The following CFAP20DC variants were observed in gnomAD, a reference collection of about 807,000 sequenced individuals.
CFAP20DC encodes the protein CFAP20 domain containing.
A neutral mutation model predicts 101.7 loss-of-function variants in CFAP20DC; 84 were observed. The ratio of observed to expected loss-of-function variants is 0.83; its 90% CI spans 0.69 to 0.99. CFAP20DC has a LOEUF of 0.99. Among genes scored for constraint, CFAP20DC ranks in the 50% least tolerant of loss-of-function variants. The pLI, the probability that CFAP20DC is intolerant of heterozygous loss-of-function variation, is 0.00. For missense variants in CFAP20DC, 1,007 were observed against 970.3 expected (o/e 1.04, Z -0.50); for synonymous variants, 359 against 351.2 (o/e 1.02, Z -0.25).
In CFAP20DC at chr3:58,849,063, CCT is replaced by C. The variant is rs2077990768; in HGVS notation, c.1938_1939del (p.Glu648LysfsTer10). The C allele has an allele frequency of 1.3e-6, 2 of 1,535,788 alleles. No homozygotes were observed. Among genetic ancestry groups the C allele is most frequent in the African/African-American group, 1.4e-5 (1 of 73,024 alleles). The stretch of plus-strand genomic sequence containing the variant: ...TTCGGGGATCGAGCTCAGCCTTTCC[CCT>C]GAGATTTCTTTCAGGGAGGTTTTGT... On this transcript the variant is annotated frameshift_variant, in exon 13 of 17. Transcript: ENST00000482387. LOFTEE classifies it high-confidence loss of function.
intron 15 of CFAP20DC, among the ~76,000 whole-genome samples, chr3:58,758,709 C>A (rs2069206274): frequency 1.3e-5 from 2 of 151,982 alleles, no homozygotes; most frequent in Admixed American, 1.3e-4. Context: ...CACAACAGGC[C>A]CCAGTGTGTG....
At chr3:58,817,785 G>A (rs1297465540) in intron 14 of CFAP20DC, among the ~76,000 whole-genome samples, 1 of 152,074 alleles carries the variant, frequency 6.6e-6, no homozygotes, top group African/African-American at 2.4e-5. Flanking sequence ...AGGAAATACA[G>A]AGAATGCCAC....
At chr3:58,810,521 T>A (rs1387901094) in intron 14 of CFAP20DC, among the ~76,000 whole-genome samples, 1 of 151,994 alleles carries the variant, frequency 6.6e-6, no homozygotes. Context: ...TGCTAAAAAC[T>A]CTCAATAAAT....
At chr3:58,723,552 G>A (rs773034650) in intron 3 of CFAP20DC, among the ~76,000 whole-genome samples, 3 of 152,334 alleles carry the variant, frequency 2.0e-5, no homozygotes, top group Admixed American at 6.5e-5. Flanking sequence ...CATTGGAAAC[G>A]AAGGTGGGGA....
In CFAP20DC at chr3:58,866,627, G is replaced by T; in HGVS notation, c.1197C>A (p.Ser399=). Residue 399 remains serine (S), a synonymous_variant, in exon 11 of 17, where the codon TCC becomes TCA. Coordinates refer to ENST00000482387, the MANE Select transcript of CFAP20DC (RefSeq NM_001394063.1). ...AGTTCAACAGCTCTGCTCCTTGTTG[G>T]GACACAGTGGTGAGGATAGTTGATG... ...DKASTILTTV[S]QQGAELLNSG... 1 of 1,608,362 alleles carries T rather than the reference G, an allele frequency of 6.2e-7. No individual in the cohort carries two copies. Among genetic ancestry groups the T allele is most frequent in the Non-Finnish European group, 8.5e-7 (1 of 1,175,004 alleles).
chr3:58,788,932 T>C lies in CFAP20DC; in HGVS notation c.2237+17463A>G, dbSNP rs144261298. ...GTTGGCCATGCAGAACCCACATATA[T>C]GAAAAATGGGTTGGAAAAAATCTGT... is the stretch of plus-strand genomic sequence containing the variant. On this transcript the variant is annotated intron_variant, in intron 15 of 16. Transcript: ENST00000482387. This position sits in a 1 kb window ranked among gnomAD's most constrained non-coding sequence, Gnocchi z 4.2. 6.6e-6 allele frequency among the ~76,000 whole-genome samples: 1 copy of C among 152,160 alleles called. No homozygotes were observed. Among genetic ancestry groups the C allele is most frequent in the Non-Finnish European group, 1.5e-5 (1 of 67,974 alleles).
intron 15 of CFAP20DC, among the ~76,000 whole-genome samples, chr3:58,791,180 T>G (rs1204372155): frequency 6.6e-6 from 1 of 152,028 alleles, no homozygotes; most frequent in Admixed American, 6.6e-5. Flanking sequence ...ATTCTCTGAT[T>G]CTGTTAAAGT....
At chr3:58,947,822 A>ATATAAGAATGTAC (rs1252371817) in intron 4 of CFAP20DC, among the ~76,000 whole-genome samples, 3 of 152,226 alleles carry the variant, frequency 2.0e-5, no homozygotes, top group Non-Finnish European at 4.4e-5. Flanking sequence ...GGAAAAGGCA[A>ATATAAGAATGTAC]TATAAGAATG....
intron 4 of CFAP20DC, among the ~76,000 whole-genome samples, chr3:59,031,145 T>A (rs892126846): frequency 2.6e-5 from 4 of 152,168 alleles, no homozygotes; most frequent in Non-Finnish European, 4.4e-5. Flanking sequence ...TTTAAATTAG[T>A]TAAGACAGTC....
At position 58,832,577 on chromosome 3, in the gene CFAP20DC, T is replaced by C. The variant is rs892885816; in HGVS notation, c.1972-688A>G. On this transcript the variant is annotated intron_variant, in intron 13 of 16. Coordinates refer to ENST00000482387, the MANE Select transcript of CFAP20DC (RefSeq NM_001394063.1). Reference sequence around the variant, plus strand: ...ATTCAACTTGCAGTAAGATTGAGAATGACTAGTATTGGTAAAAGCCATCAA... The same window carrying C: ...ATTCAACTTGCAGTAAGATTGAGAACGACTAGTATTGGTAAAAGCCATCAA... Among the ~76,000 whole-genome samples the C allele has an allele frequency of 3.3e-5, 5 of 152,314 alleles. No homozygotes were observed. The East Asian group carries it at 9.6e-4, about 29-fold the overall frequency.
chr3:58,734,904 C>G (rs1307042832), intron 3 of CFAP20DC, among the ~76,000 whole-genome samples: 2 of 152,176 alleles, frequency 1.3e-5, no homozygotes. Context: ...CTCCCATCAT[C>G]TCGTATTTAG....
At chr3:58,934,470 A>C (rs1404955343) in intron 5 of CFAP20DC, among the ~76,000 whole-genome samples, 2 of 152,196 alleles carry the variant, frequency 1.3e-5, no homozygotes, top group Non-Finnish European at 2.9e-5. Flanking sequence ...ACACAACCAA[A>C]AAAGAGAATT....
intron 16 of CFAP20DC, among the ~76,000 whole-genome samples, chr3:58,743,723 A>ATGG (rs1479104478): frequency 6.6e-6 from 1 of 152,122 alleles, no homozygotes; most frequent in African/African-American, 2.4e-5. Flanking sequence ...GGAAGGGAGG[A>ATGG]TGGTGGTGGT....
intron 5 of CFAP20DC, among the ~76,000 whole-genome samples, chr3:58,928,359 C>A (rs919104070): frequency 6.6e-6 from 1 of 152,196 alleles, no homozygotes; most frequent in East Asian, 1.9e-4. Flanking sequence ...GAAGTAGCAT[C>A]TATAGATCAG....
chr3:58,789,946 T>C (rs9859385), intron 15 of CFAP20DC, among the ~76,000 whole-genome samples: 3,281 of 152,224 alleles, frequency 0.022, 159 homozygotes, highest in Admixed American at 0.11. Flanking sequence ...ATAAAAAAGG[T>C]AGAAAGATAC....
At position 58,810,505 on chromosome 3, in the gene CFAP20DC, C is replaced by A. The variant is rs564131347; in HGVS notation, c.2176-4049G>T. Among the ~76,000 whole-genome samples, 13 of 152,026 alleles carry A rather than the reference C, an allele frequency of 8.6e-5. No homozygotes were observed. The South Asian group carries it at 1.0e-3, about 12-fold the overall frequency. ...AAGGCCTCTGACAAAATTCAACAAC[C>A]CTCCATGCTAAAAACTCTCAATAAA... On this transcript the variant is annotated intron_variant, in intron 14 of 16. Transcript: ENST00000482387.
intron 4 of CFAP20DC, among the ~76,000 whole-genome samples, chr3:58,961,463 T>G (rs759166742): frequency 6.6e-6 from 1 of 151,854 alleles, no homozygotes; most frequent in Non-Finnish European, 1.5e-5. Context: ...CTGAGGCAGG[T>G]GAATTGCTTG....
intron 4 of CFAP20DC, among the ~76,000 whole-genome samples, chr3:58,972,221 C>G (rs1054607576): frequency 1.3e-5 from 2 of 152,098 alleles, no homozygotes; most frequent in African/African-American, 4.8e-5. Flanking sequence ...GGCTCATACC[C>G]ATGAGGGGAA....
chr3:58,929,911 C>T (rs1458699874), intron 5 of CFAP20DC, among the ~76,000 whole-genome samples: 1 of 152,148 alleles, frequency 6.6e-6, no homozygotes, highest in Non-Finnish European at 1.5e-5. Context: ...TTGTTGGAAC[C>T]TCCTTGGTTC....
Sources: allele counts gnomAD v4.1 joint callset (sites outside exome capture counted in the v4.1 genomes callset), GRCh38; gene constraint gnomAD v4.1.1; non-coding constraint Gnocchi (gnomAD v3.1); transcripts MANE v1.5; gene names NCBI Gene and HGNC (gene_info 2026-07-23, HGNC 2026-07-21).